The following RBFOX1 variants were observed in gnomAD, a reference collection of about 807,000 sequenced individuals.
The protein encoded by RBFOX1 is RNA binding fox-1 homolog 1.
A neutral mutation model predicts 57.7 loss-of-function variants in RBFOX1; 8 were observed. The ratio of observed to expected loss-of-function variants is 0.14; its 90% CI spans 0.08 to 0.25. The LOEUF (loss-of-function observed/expected upper bound fraction) is 0.25. Ranked by LOEUF, RBFOX1 falls within the 10% of genes least tolerant of loss-of-function variation. The pLI is 1.00. For missense variants in RBFOX1, 611 were observed against 548.5 expected, an observed-to-expected ratio of 1.11 and a Z score of -1.14; for synonymous variants, 326 against 222.4, an observed-to-expected ratio of 1.47 and a Z score of -4.15.
At chr16:6,661,136 C>T (rs1424566198) in intron 3 of RBFOX1, among the ~76,000 whole-genome samples, 1 of 152,138 alleles carries the variant, frequency 6.6e-6, no homozygotes, top group South Asian at 2.1e-4. Context: ...TTTTCTAAGC[C>T]AATCTGAATT....
intron 4 of RBFOX1, among the ~76,000 whole-genome samples, chr16:7,167,894 G>T (rs1416252214): frequency 6.6e-6 from 1 of 152,144 alleles, no homozygotes; most frequent in East Asian, 1.9e-4. Context: ...CGCTCTTCTA[G>T]GGAGGTGTTT....
At chr16:7,680,660 A>G (rs1438779015) in intron 14 of RBFOX1, among the ~76,000 whole-genome samples, 4 of 152,172 alleles carry the variant, frequency 2.6e-5, no homozygotes, top group African/African-American at 7.2e-5. Context: ...AGGTATCTCT[A>G]AACTGAGCAA....
chr16:7,692,889 ATTT>A (rs35856288), intron 14 of RBFOX1, among the ~76,000 whole-genome samples: 1 of 150,436 alleles, frequency 6.6e-6, no homozygotes, highest in Non-Finnish European at 1.5e-5. Context: ...ACTTTTTCTT[ATTT>A]TTTTTTGATA....
chr16:6,995,324 G>GTGTGTGTT (rs1555733228), intron 3 of RBFOX1, among the ~76,000 whole-genome samples: 1 of 149,762 alleles, frequency 6.7e-6, no homozygotes, highest in Non-Finnish European at 1.5e-5. Flanking sequence ...GTGTGTGTGT[G>GTGTGTGTT]TGTGTGTTAG....
chr16:6,996,064 C>T (rs138434640), intron 3 of RBFOX1, among the ~76,000 whole-genome samples: 107 of 152,298 alleles, frequency 7.0e-4, no homozygotes, highest in African/African-American at 2.3e-3. Context: ...GGCCATGGGG[C>T]GTCTTGAAGA....
intron 11 of RBFOX1, among the ~76,000 whole-genome samples, chr16:7,650,281 C>A (rs148778046): frequency 6.6e-6 from 1 of 151,930 alleles, no homozygotes; most frequent in East Asian, 2.0e-4. Flanking sequence ...CTCCATGAAG[C>A]CTCTGGCCCA....
chr16:6,069,329 C>T lies in RBFOX1; in HGVS notation c.-127+49337C>T, dbSNP rs1416498236. ...AGGAGAATCACTTGAACCTGGAAGG[C>T]GGAGGTTGCAGTGAGCCGAGATTGT... On this transcript the variant is annotated intron_variant, in intron 1 of 15. Coordinates refer to ENST00000550418, the MANE Select transcript of RBFOX1 (RefSeq NM_018723.4). Among the ~76,000 whole-genome samples the T allele has an allele frequency of 3.5e-5, 5 of 141,768 alleles. No homozygotes were observed. The East Asian group carries it at 6.7e-4, about 19-fold the overall frequency. The allele number at this position is 141,768 out of a possible 152,430, so 93.0% of individuals were successfully genotyped here.
At position 5,277,936 on chromosome 16, in the gene RBFOX1, T is replaced by C. The variant is rs201346685; in HGVS notation, c.219+37831T>C. Among the ~76,000 whole-genome samples, 18 of 152,346 alleles carry C rather than the reference T, an allele frequency of 1.2e-4. No individual in the cohort carries two copies. In the East Asian group the frequency reaches 3.5e-3, roughly 29 times the overall value. On this transcript the variant is annotated intron_variant, in intron 1 of 2. Coordinates refer to the RBFOX1 transcript ENST00000585867. Reference sequence around the variant, plus strand: ...TAGATTGATTCCATATCTTGGCTATTGTAAATAGTGCTGCAGTAAATATGG... The same window carrying C: ...TAGATTGATTCCATATCTTGGCTATCGTAAATAGTGCTGCAGTAAATATGG...
At chr16:7,687,705 C>G (rs1313320129) in intron 14 of RBFOX1, among the ~76,000 whole-genome samples, 5 of 151,976 alleles carry the variant, frequency 3.3e-5, no homozygotes, top group Non-Finnish European at 1.5e-5. Flanking sequence ...GATTATAAGA[C>G]AATTACTAAT....
At chr16:7,192,790 A>T (rs997175288) in intron 4 of RBFOX1, among the ~76,000 whole-genome samples, 2 of 152,236 alleles carry the variant, frequency 1.3e-5, no homozygotes, top group Non-Finnish European at 2.9e-5. Context: ...AAAGCATTTC[A>T]AAATAAATAC....
intron 4 of RBFOX1, among the ~76,000 whole-genome samples, chr16:7,214,469 G>A (rs540255570): frequency 6.6e-6 from 1 of 151,886 alleles, no homozygotes; most frequent in African/African-American, 2.4e-5. Context: ...ATGCCTCTCC[G>A]ATCCATCCAC....
intron 2 of RBFOX1, among the ~76,000 whole-genome samples, chr16:6,601,402 T>C (rs903707843): frequency 6.6e-6 from 1 of 152,154 alleles, no homozygotes; most frequent in African/African-American, 2.4e-5. Context: ...CTTTTGTTGG[T>C]ATTGTGGCCA....
chr16:6,171,738 A>G (rs1235943631), intron 1 of RBFOX1, among the ~76,000 whole-genome samples: 1 of 152,218 alleles, frequency 6.6e-6, no homozygotes, highest in East Asian at 1.9e-4. Context: ...AGCGGCATAC[A>G]TCTTCAGATG....
rs1023522560 is a variant in RBFOX1, at chr16:6,163,957, A to C, written c.-127+143965A>C. 3.3e-5 allele frequency among the ~76,000 whole-genome samples: 5 copies of C among 152,238 alleles called. 1 individual carries two copies. Among genetic ancestry groups the C allele is most frequent in the Admixed American group, 2.0e-4 (3 of 15,284 alleles). On this transcript the variant is annotated intron_variant, in intron 1 of 15. Coordinates refer to ENST00000550418, the MANE Select transcript of RBFOX1 (RefSeq NM_018723.4). ...CAATGTGATGTTATGGGATACATAT[A>C]GTAAGGTGGTTATAATAGAGACACA...
At chr16:5,266,545 TCA>T (rs1350461776) in intron 1 of RBFOX1, among the ~76,000 whole-genome samples, 3 of 85,878 alleles carry the variant, frequency 3.5e-5, no homozygotes, top group Admixed American at 1.8e-4. Context: ...ATGGAAATGT[TCA>T]GTTTTTTTTT....
intron 3 of RBFOX1, among the ~76,000 whole-genome samples, chr16:6,740,531 T>G (rs2071739530): frequency 6.6e-6 from 1 of 152,232 alleles, no homozygotes; most frequent in African/African-American, 2.4e-5. Flanking sequence ...ACTGACAAGT[T>G]AGCTCACCAA....
intron 3 of RBFOX1, among the ~76,000 whole-genome samples, chr16:6,731,787 T>C (rs2068675281): frequency 6.6e-6 from 1 of 152,150 alleles, no homozygotes; most frequent in African/African-American, 2.4e-5. Context: ...TCTCCATTTC[T>C]CCCTTCCCCA....
At chr16:6,620,048 C>G in intron 2 of RBFOX1, among the ~76,000 whole-genome samples, 1 of 152,158 alleles carries the variant, frequency 6.6e-6, no homozygotes, top group African/African-American at 2.4e-5. Flanking sequence ...CTTATTCTTT[C>G]TTATGGCTGC....
At chr16:5,674,219 A>T (rs1008925309) in intron 3 of RBFOX1, among the ~76,000 whole-genome samples, 1 of 152,258 alleles carries the variant, frequency 6.6e-6, no homozygotes, top group African/African-American at 2.4e-5. Context: ...TGGAAGGAGC[A>T]TAGGGTATTC....
Sources: gnomAD v4.1 joint callset for allele counts (sites outside exome capture counted in the v4.1 genomes callset) on GRCh38, gnomAD v4.1.1 for gene constraint, MANE v1.5 for transcripts, NCBI Gene and HGNC (gene_info 2026-07-23, HGNC 2026-07-21) for gene names.